The following PLEKHH2 variants were observed in gnomAD, a reference collection of about 807,000 sequenced individuals.
PLEKHH2 encodes pleckstrin homology, MyTH4 and FERM domain containing H2.
Under a neutral mutation model 187.9 loss-of-function variants are expected in PLEKHH2, and 129 were observed. The observed-to-expected ratio is 0.69, with a 90% CI of 0.59 to 0.79. The LOEUF (loss-of-function observed/expected upper bound fraction) is 0.79. PLEKHH2 is among the 30% of genes least tolerant of loss of function. PLEKHH2 has a pLI of 0.00. For synonymous variants in PLEKHH2, 686 were observed against 605.6 expected (o/e 1.13, Z -1.95); for missense variants, 2,076 against 1,751.2 (o/e 1.19, Z -3.31).
At chr2:43,654,227 G>A (rs1279284780) in intron 2 of PLEKHH2, among the ~76,000 whole-genome samples, 1 of 152,088 alleles carries the variant, frequency 6.6e-6, no homozygotes, top group Non-Finnish European at 1.5e-5. Context: ...ACGGAGTCTT[G>A]CTCTGTTGCC....
chr2:43,753,571 C>T, intron 24 of PLEKHH2, 48 bp from the exon 25 acceptor site: 1 of 1,362,022 alleles, frequency 7.3e-7, no homozygotes, highest in Non-Finnish European at 9.7e-7. Flanking sequence ...TACTTTATTT[C>T]CTTGTAAGAA....
At chr2:43,712,881 A>C (rs1053618648) in intron 15 of PLEKHH2, among the ~76,000 whole-genome samples, 1 of 152,202 alleles carries the variant, frequency 6.6e-6, no homozygotes, top group Non-Finnish European at 1.5e-5. Flanking sequence ...AAGAGGTGGC[A>C]CTTTTTAAAA....
At chr2:43,637,959 G>A (rs1234563218) in intron 1 of PLEKHH2, among the ~76,000 whole-genome samples, 2 of 152,200 alleles carry the variant, frequency 1.3e-5, no homozygotes, top group Non-Finnish European at 2.9e-5. Context: ...CTTTTTACCC[G>A]TCGATATTGT....
At chr2:43,667,315 T>G (rs1444504932) in intron 2 of PLEKHH2, among the ~76,000 whole-genome samples, 1 of 152,184 alleles carries the variant, frequency 6.6e-6, no homozygotes, top group Non-Finnish European at 1.5e-5. Flanking sequence ...ATGAAAAAAT[T>G]GAAGGTCTCA....
At chr2:43,707,280 A>G in intron 10 of PLEKHH2, 121 bp from the exon 11 acceptor site, 1 of 1,019,934 alleles carries the variant, frequency 9.8e-7, no homozygotes, top group Non-Finnish European at 1.5e-6. Context: ...AACCTTAGGG[A>G]TGGATACAGG....
Position 43,700,591 on chromosome 2 carries a change from C to A in PLEKHH2, c.1633C>A (p.His545Asn). The change falls in exon 8 of 30, where the codon CAC becomes AAC. Residue 545 changes from histidine to asparagine, a missense_variant. Physicochemically the swap from His to Asn is moderately conservative, Grantham distance 68. Coordinates refer to ENST00000282406, the MANE Select transcript of PLEKHH2 (RefSeq NM_172069.4). The part of the protein sequence containing the change: ...AYSKPPTPPL[H>N]RFPSWESRIY... ...CAGCAAACCTCCAACTCCTCCCCTG[C>A]ACCGTTTTCCTTCTTGGGTAATTAT... The A allele has an allele frequency of 6.2e-7, 1 of 1,608,304 alleles. No homozygotes were observed. Among genetic ancestry groups the A allele is most frequent in the Non-Finnish European group, 8.5e-7 (1 of 1,178,650 alleles).
Position 43,699,779 on chromosome 2 carries a change from G to T in PLEKHH2, c.821G>T (p.Gly274Val). ...AGAACAAGCTTTGCCACAGATGGTG[G>T]CATCTCCCAGAATTCTGGGGCTCCT... ...KTRTSFATDG[G>V]ISQNSGAPVS... Residue 274 changes from glycine to valine, a missense_variant, in exon 8 of 30, where the codon GGC becomes GTC. Gly to Val is a moderately radical substitution (Grantham distance 109, BLOSUM62 -3). Coordinates refer to ENST00000282406, the MANE Select transcript of PLEKHH2 (RefSeq NM_172069.4). The T allele has an allele frequency of 6.2e-7, 1 of 1,614,166 alleles. No homozygotes were observed.
intron 2 of PLEKHH2, among the ~76,000 whole-genome samples, chr2:43,678,578 C>T (rs1432527931): frequency 2.0e-5 from 3 of 152,210 alleles, no homozygotes; most frequent in African/African-American, 7.2e-5. Flanking sequence ...GGCGTGGCGG[C>T]GCGCGCCTGC....
chr2:43,691,557 G>T (rs971806699), intron 3 of PLEKHH2, among the ~76,000 whole-genome samples: 1 of 152,194 alleles, frequency 6.6e-6, no homozygotes, highest in Non-Finnish European at 1.5e-5. Flanking sequence ...CTGGTTCAAG[G>T]ATTTACCAGG....
At chr2:43,739,245 A>T (rs1671447086) in intron 20 of PLEKHH2, among the ~76,000 whole-genome samples, 1 of 151,874 alleles carries the variant, frequency 6.6e-6, no homozygotes, top group African/African-American at 2.4e-5. Flanking sequence ...CATTTTTAGA[A>T]TTTTCCTATA....
chr2:43,656,115 T>C (rs2116549), intron 2 of PLEKHH2, among the ~76,000 whole-genome samples: 1 of 151,726 alleles, frequency 6.6e-6, no homozygotes, highest in Non-Finnish European at 1.5e-5. Context: ...TGTGCCATCA[T>C]GCCGGCTAAT....
intron 14 of PLEKHH2, chr2:43,711,446 A>T: frequency 3.1e-6 from 3 of 974,060 alleles, no homozygotes; most frequent in Non-Finnish European, 3.7e-6. Context: ...ATCTAATCAC[A>T]TGTTCGTTCC....
intron 20 of PLEKHH2, among the ~76,000 whole-genome samples, 198 bp downstream of exon 20, chr2:43,738,718 A>C (rs776345069): frequency 4.6e-5 from 7 of 152,130 alleles, no homozygotes; most frequent in Non-Finnish European, 8.8e-5. Flanking sequence ...GTGTGTGTAC[A>C]CTCACAGTTT....
intron 8 of PLEKHH2, among the ~76,000 whole-genome samples, chr2:43,701,399 T>C (rs1036635050): frequency 2.0e-5 from 3 of 152,092 alleles, no homozygotes; most frequent in African/African-American, 7.2e-5. Context: ...GGAAAGTGAA[T>C]AGGTGGAGAG....
In PLEKHH2 at chr2:43,700,140, A is replaced by T. The variant is rs750360829; in HGVS notation, c.1182A>T (p.Arg394Ser). The T allele has an allele frequency of 3.7e-6, 6 of 1,613,946 alleles. No homozygotes were observed. Among genetic ancestry groups the T allele is most frequent in the Non-Finnish European group, 5.1e-6 (6 of 1,180,024 alleles). The change falls in exon 8 of 30, where the codon AGA becomes AGT. Residue 394 changes from arginine to serine, a missense_variant. By Grantham distance (110) the Arg-to-Ser change is moderately radical (BLOSUM62 -1). Coordinates refer to ENST00000282406, the MANE Select transcript of PLEKHH2 (RefSeq NM_172069.4). ...TGAATAAAAAATTTCAATCCCAGAG[A>T]CTCGATTATTCATCTTCATCGAGTG... ...DELNKKFQSQRLDYSSSSSEA... is the reference protein window; with the variant it reads ...DELNKKFQSQSLDYSSSSSEA...
intron 2 of PLEKHH2, among the ~76,000 whole-genome samples, chr2:43,655,811 A>T (rs1666728202): frequency 6.6e-6 from 1 of 152,234 alleles, no homozygotes; most frequent in Admixed American, 6.5e-5. Flanking sequence ...GCTTTGCAAC[A>T]GCAGCAGACT....
At chr2:43,754,201 C>CAAAA (rs1282544786) in intron 25 of PLEKHH2, among the ~76,000 whole-genome samples, 57 of 115,130 alleles carry the variant, frequency 5.0e-4, no homozygotes, top group African/African-American at 2.3e-3. Context: ...CACACACACA[C>CAAAA]ACACAAAATT....
At chr2:43,742,692 T>C (rs915213567) in intron 21 of PLEKHH2, 49 bp from the exon 22 acceptor site, 2 of 1,346,704 alleles carry the variant, frequency 1.5e-6, no homozygotes, top group Non-Finnish European at 9.9e-7. Flanking sequence ...ACATATTAGG[T>C]TGTCAATTAA....
At chr2:43,731,053 G>A (rs1458119997) in intron 18 of PLEKHH2, among the ~76,000 whole-genome samples, 1 of 152,144 alleles carries the variant, frequency 6.6e-6, no homozygotes, top group Non-Finnish European at 1.5e-5. Context: ...ACAGGAACAT[G>A]TCTCACTCAT....
Sources: allele counts gnomAD v4.1 joint callset (sites outside exome capture counted in the v4.1 genomes callset), GRCh38; gene constraint gnomAD v4.1.1; transcripts MANE v1.5; gene names NCBI Gene and HGNC (gene_info 2026-07-23, HGNC 2026-07-21).